ALG12: variants seen among roughly 807,000 people sequenced by gnomAD.
ALG12 encodes the protein dol-P-Man:Man(7)GlcNAc(2)-PP-Dol alpha-1,6-mannosyltransferase.
A neutral mutation model predicts 46.0 loss-of-function variants in ALG12; 36 were observed. The ratio of observed to expected loss-of-function variants is 0.78; its 90% CI spans 0.60 to 1.03. The LOEUF is 1.03. ALG12 is among the 50% of genes least tolerant of loss of function. The probability of loss-of-function intolerance (pLI) is 0.00; values close to 1 mark genes in which losing one functional copy is unlikely to be tolerated. For missense variants in ALG12, 599 were observed against 633.5 expected, an observed-to-expected ratio of 0.95 and a Z score of 0.58; for synonymous variants, 326 against 291.6, an observed-to-expected ratio of 1.12 and a Z score of -1.20.
chr22:49,860,263 C>T, the ALG12 span, among the ~76,000 whole-genome samples: 1 of 152,336 alleles, frequency 6.6e-6, no homozygotes, highest in East Asian at 1.9e-4. Flanking sequence ...GACGTCACTG[C>T]ACTGCTGCCT....
At chr22:49,874,349 C>T in the ALG12 span, among the ~76,000 whole-genome samples, 1 of 151,776 alleles carries the variant, frequency 6.6e-6, no homozygotes, top group Non-Finnish European at 1.5e-5. Context: ...GAATGACGTG[C>T]CCATATGGTT....
At chr22:49,912,218 T>TGGG (rs140366863) in intron 3 of ALG12, among the ~76,000 whole-genome samples, 2,597 of 151,252 alleles carry the variant, frequency 0.017, 77 homozygotes, top group African/African-American at 0.059. Flanking sequence ...TGGCAGGGGC[T>TGGG]GGGGGGGGCA....
the ALG12 span, among the ~76,000 whole-genome samples, chr22:49,875,461 C>G: frequency 6.7e-6 from 1 of 149,688 alleles, no homozygotes; most frequent in South Asian, 2.1e-4. Flanking sequence ...TGCTCTGTCA[C>G]CCAGGCTGGA....
Position 49,910,006 on chromosome 22 carries a change from C to T in ALG12, c.552G>A (p.Arg184=), listed in dbSNP as rs1445538588. 1 of 1,613,928 alleles carries T rather than the reference C, an allele frequency of 6.2e-7. No individual in the cohort carries two copies. The highest frequency in any genetic ancestry group is 2.2e-5 in the East Asian group (1 of 44,886). ...WLSAFAIIVF[R]VELCLFLGLL... is the part of the protein sequence containing the mutation. Reference sequence around the variant, plus strand: ...GGCCCAGGAACAGGCACAGCTCCACCCTGAACACGATGATGGCGAAGGCTG... The same window carrying T: ...GGCCCAGGAACAGGCACAGCTCCACTCTGAACACGATGATGGCGAAGGCTG... Residue 184 remains arginine (R), a synonymous_variant, in exon 5 of 10, where the codon AGG becomes AGA. Transcript: ENST00000330817.
rs2060501538 is a variant in ALG12, at chr22:49,900,868, C to G, written c.*2970G>C. The stretch of plus-strand genomic sequence containing the variant: ...CTCCCTAGCCTGTCCACAGAAAGGG[C>G]CTAAAGCTCAGGCACCCCGTGGCAT... On this transcript the variant is annotated 3_prime_UTR_variant, in exon 10 of 10. Transcript: ENST00000330817. The G allele has an allele frequency of 6.6e-6, 1 of 152,312 alleles. No individual in the cohort carries two copies. Among genetic ancestry groups the G allele is most frequent in the African/African-American group, 2.4e-5 (1 of 41,446 alleles). 9.4% of individuals were successfully genotyped at this position (152,312 alleles called of 1,614,324 possible).
At chr22:49,897,380 T>A (rs2060487481), downstream of ALG12, among the ~76,000 whole-genome samples, 1 of 152,188 alleles carries the variant, frequency 6.6e-6, no homozygotes, top group African/African-American at 2.4e-5. Context: ...AAGAGTATGC[T>A]TAGTTCTGTA....
chr22:49,871,227 A>G, the ALG12 span, among the ~76,000 whole-genome samples: 1 of 136,598 alleles, frequency 7.3e-6, no homozygotes, highest in African/African-American at 2.8e-5. Flanking sequence ...CTCTTTTAAA[A>G]GTTAATTCAT....
the ALG12 span, among the ~76,000 whole-genome samples, chr22:49,892,072 C>T: frequency 6.6e-6 from 1 of 151,152 alleles, no homozygotes; most frequent in Non-Finnish European, 1.5e-5. Flanking sequence ...TCTGTAGTCC[C>T]AGCTACTCTG....
the ALG12 span, among the ~76,000 whole-genome samples, chr22:49,874,471 T>C: frequency 3.0e-4 from 46 of 151,370 alleles, no homozygotes; most frequent in Non-Finnish European, 5.2e-4. Flanking sequence ...CTGCAACTTC[T>C]GCCTCCCAGG....
chr22:49,867,924 C>G, the ALG12 span, among the ~76,000 whole-genome samples: 1 of 152,234 alleles, frequency 6.6e-6, no homozygotes, highest in Non-Finnish European at 1.5e-5. Context: ...GACACAAAGC[C>G]TGTTTTGTCA....
chr22:49,886,176 G>A, the ALG12 span: 1 of 705,944 alleles, frequency 1.4e-6, no homozygotes, highest in Non-Finnish European at 2.6e-6. The surrounding 1 kb of genome is among the most constrained non-coding windows in gnomAD (Gnocchi z 7.7). Flanking sequence ...TCGTCAGCGA[G>A]GCCATTAAGA....
chr22:49,878,899 CT>C, the ALG12 span, among the ~76,000 whole-genome samples: 2 of 151,884 alleles, frequency 1.3e-5, no homozygotes, highest in Non-Finnish European at 2.9e-5. Flanking sequence ...AACCCCAACA[CT>C]TTGGGAGGCC....
At chr22:49,918,196 GC>G (rs2060630956) in intron 1 of ALG12, 66 bp downstream of exon 1, 1 of 152,372 alleles carries the variant, frequency 6.6e-6, no homozygotes, top group Admixed American at 6.5e-5. Flanking sequence ...TCGCGCCCTC[GC>G]CCGCCTCCTC....
At chr22:49,887,233 T>C in the ALG12 span, 2 of 1,542,152 alleles carry the variant, frequency 1.3e-6, no homozygotes, top group African/African-American at 2.7e-5. Context: ...GTTAGCAGCC[T>C]GTACCAGGTC....
rs116244547 is a variant in ALG12 at position 49,911,436 on chromosome 22, T to C, written c.296-829A>G. ...TGCTGGATTCGGACTGCAAATGTCT[T>C]TTTTTTTTTCTTTTTAAGGACAGAG... On this transcript the variant is annotated intron_variant, in intron 3 of 9. Coordinates refer to ENST00000330817, the MANE Select transcript of ALG12 (RefSeq NM_024105.4). Among the ~76,000 whole-genome samples, 846 of 147,456 alleles carry C rather than the reference T, an allele frequency of 5.7e-3. 8 individuals are homozygous for C. Among genetic ancestry groups the C allele is most frequent in the African/African-American group, 0.02 (812 of 40,052 alleles).
the ALG12 span, among the ~76,000 whole-genome samples, chr22:49,873,678 G>T: frequency 7.1e-6 from 1 of 141,252 alleles, no homozygotes; most frequent in Non-Finnish European, 1.5e-5. Context: ...GTAAAGCGAG[G>T]TGCGGTGATA....
intron 5 of ALG12, among the ~76,000 whole-genome samples, 193 bp downstream of exon 5, chr22:49,909,701 G>C (rs2060564358): frequency 6.6e-6 from 1 of 152,232 alleles, no homozygotes; most frequent in Non-Finnish European, 1.5e-5. Flanking sequence ...CAGTGAACAG[G>C]GGCTCCTAAG....
the ALG12 span, chr22:49,884,807 A>T: frequency 3.6e-4 from 578 of 1,610,100 alleles, 1 homozygote; most frequent in African/African-American, 6.7e-3. Context: ...CCGGTCAGAG[A>T]GTCCCCTTCG....
At chr22:49,913,879 G>T in intron 1 of ALG12, 36 bp from the exon 2 acceptor site, 1 of 1,427,058 alleles carries the variant, frequency 7.0e-7, no homozygotes, top group Non-Finnish European at 9.7e-7. Context: ...AGGTTCGAAA[G>T]TCACGCTTGC....
Sources: allele counts gnomAD v4.1 joint callset (sites outside exome capture counted in the v4.1 genomes callset), GRCh38; gene constraint gnomAD v4.1.1; non-coding constraint Gnocchi (gnomAD v3.1); transcripts MANE v1.5; gene names NCBI Gene and HGNC (gene_info 2026-07-23, HGNC 2026-07-21).